DMXL2: variants seen among roughly 807,000 people sequenced by gnomAD.
The protein encoded by DMXL2 is dmX-like protein 2.
DMXL2 carries 103 observed loss-of-function variants against 331.1 expected under a neutral mutation model. The ratio of observed to expected loss-of-function variants is 0.31; its 90% CI spans 0.27 to 0.37. The LOEUF is 0.37. DMXL2 is among the 10% of genes least tolerant of loss of function. DMXL2 has a pLI of 1.00. For synonymous variants in DMXL2, 1,281 were observed against 1,252.1 expected (o/e 1.02, Z -0.49); for missense variants, 3,171 against 3,642.9 (o/e 0.87, Z 3.33).
At chr15:51,603,181 T>C (rs2053348854) in intron 1 of DMXL2, among the ~76,000 whole-genome samples, 1 of 151,536 alleles carries the variant, frequency 6.6e-6, no homozygotes. Flanking sequence ...ATGAATGAAA[T>C]CAAAAGAGCA....
At chr15:51,501,560 G>GT (rs1337934527) in intron 17 of DMXL2, among the ~76,000 whole-genome samples, 4 of 152,178 alleles carry the variant, frequency 2.6e-5, no homozygotes, top group Non-Finnish European at 5.9e-5. Flanking sequence ...ACAAATGAAT[G>GT]TATTTGTTCT....
chr15:51,554,420 G>C (rs1015831763), intron 6 of DMXL2, among the ~76,000 whole-genome samples: 1 of 152,082 alleles, frequency 6.6e-6, no homozygotes, highest in African/African-American at 2.4e-5. Context: ...TAGAGATCAA[G>C]ACATGAATTA....
chr15:51,581,700 CA>C (rs2051432839), intron 1 of DMXL2, among the ~76,000 whole-genome samples: 1 of 152,096 alleles, frequency 6.6e-6, no homozygotes, highest in Non-Finnish European at 1.5e-5. Flanking sequence ...TGGAGAGTAA[CA>C]AAAGGAAAAC....
intron 1 of DMXL2, among the ~76,000 whole-genome samples, chr15:51,613,354 T>C (rs1355760692): frequency 6.6e-6 from 1 of 152,234 alleles, no homozygotes; most frequent in African/African-American, 2.4e-5. Flanking sequence ...GGGGAACTAA[T>C]AAATGTCCAT....
intron 1 of DMXL2, among the ~76,000 whole-genome samples, chr15:51,608,864 G>T (rs778380726): frequency 6.6e-6 from 1 of 152,148 alleles, no homozygotes; most frequent in Non-Finnish European, 1.5e-5. Flanking sequence ...GAAGGAAAAT[G>T]ATCTCAAATG....
At chr15:51,560,729 T>A (rs577747517) in intron 6 of DMXL2, among the ~76,000 whole-genome samples, 4 of 150,318 alleles carry the variant, frequency 2.7e-5, no homozygotes, top group Admixed American at 2.6e-4. Context: ...TTCAGAACTG[T>A]GGAAAACTAA....
At chr15:51,596,040 C>G (rs2052775785) in intron 1 of DMXL2, among the ~76,000 whole-genome samples, 1 of 152,192 alleles carries the variant, frequency 6.6e-6, no homozygotes, top group South Asian at 2.1e-4. Flanking sequence ...ACACCAAAAG[C>G]AGTGGCAACA....
chr15:51,605,514 A>ATT (rs2053520971), intron 1 of DMXL2, among the ~76,000 whole-genome samples: 2 of 36,868 alleles, frequency 5.4e-5, no homozygotes, highest in Non-Finnish European at 1.3e-4. Context: ...ACAGATTAAT[A>ATT]TTCTTTTTTT....
intron 27 of DMXL2, among the ~76,000 whole-genome samples, chr15:51,475,916 T>C (rs1343709199): frequency 1.3e-5 from 2 of 152,186 alleles, no homozygotes; most frequent in African/African-American, 4.8e-5. Flanking sequence ...AAGAAATGAA[T>C]GACAAAGCAA....
chr15:51,569,695 G>A (rs541047725), intron 2 of DMXL2, among the ~76,000 whole-genome samples: 78 of 152,324 alleles, frequency 5.1e-4, no homozygotes, highest in African/African-American at 1.7e-3. Flanking sequence ...ACAGGGTCTG[G>A]AGTGGACCTC....
chr15:51,594,478 C>T (rs1361086507), intron 1 of DMXL2, among the ~76,000 whole-genome samples: 1 of 152,162 alleles, frequency 6.6e-6, no homozygotes, highest in African/African-American at 2.4e-5. Flanking sequence ...CAAATTCTAC[C>T]AGAGGTACAA....
chr15:51,518,283 A>T (rs899421692), intron 13 of DMXL2, among the ~76,000 whole-genome samples: 3 of 152,072 alleles, frequency 2.0e-5, no homozygotes, highest in Non-Finnish European at 4.4e-5. Context: ...CAGTGAGCCG[A>T]GATTGCACCA....
At chr15:51,508,622 A>T (rs2046559233) in intron 15 of DMXL2, among the ~76,000 whole-genome samples, 1 of 152,244 alleles carries the variant, frequency 6.6e-6, no homozygotes, top group Non-Finnish European at 1.5e-5. Context: ...GAGTTTTCTT[A>T]AAATGAGTTC....
rs7172771 is a variant in DMXL2, at chr15:51,524,912, G to A, written c.2437-7745C>T. The stretch of plus-strand genomic sequence containing the variant: ...CATGCAACCTACTGAGACACCAGGC[G>A]GGATGGCTAAAAAAGTGCTGGCATC... On this transcript the variant is annotated intron_variant, in intron 13 of 43. Transcript: ENST00000560891. Among the ~76,000 whole-genome samples the A allele has an allele frequency of 4.8e-3, 735 of 152,016 alleles. 8 individuals carry two copies. Among genetic ancestry groups the A allele is most frequent in the African/African-American group, 0.017 (708 of 41,468 alleles).
intron 10 of DMXL2, 138 bp downstream of exon 10, chr15:51,538,075 G>A: frequency 9.0e-7 from 1 of 1,110,530 alleles, no homozygotes; most frequent in Non-Finnish European, 1.3e-6. Context: ...ATCCAAGGCA[G>A]ATGGTCAGTA....
intron 29 of DMXL2, among the ~76,000 whole-genome samples, chr15:51,470,243 C>T (rs919365010): frequency 6.6e-5 from 10 of 152,020 alleles, no homozygotes; most frequent in Non-Finnish European, 1.0e-4. Flanking sequence ...TCAAGCAATC[C>T]TCTCACCTCA....
chr15:51,452,148 A>G (rs1307227136), intron 41 of DMXL2, among the ~76,000 whole-genome samples: 1 of 152,120 alleles, frequency 6.6e-6, no homozygotes, highest in Admixed American at 6.5e-5. Context: ...AATTAACTCA[A>G]GATGGGTCAA....
chr15:51,518,384 A>G (rs2047156719), intron 13 of DMXL2, among the ~76,000 whole-genome samples: 1 of 152,160 alleles, frequency 6.6e-6, no homozygotes, highest in Non-Finnish European at 1.5e-5. Context: ...TTGTTCATTG[A>G]AATCTGGACT....
intron 1 of DMXL2, among the ~76,000 whole-genome samples, chr15:51,592,494 C>T (rs2052449518): frequency 6.6e-6 from 1 of 152,318 alleles, no homozygotes; most frequent in East Asian, 1.9e-4. Flanking sequence ...AAACACTCTA[C>T]AGGATATTAT....
Sources: gnomAD v4.1 joint callset for allele counts (sites outside exome capture counted in the v4.1 genomes callset) on GRCh38, gnomAD v4.1.1 for gene constraint, MANE v1.5 for transcripts, NCBI Gene and HGNC (gene_info 2026-07-23, HGNC 2026-07-21) for gene names.